The following ZIC4 variants were observed in gnomAD, a reference collection of about 807,000 sequenced individuals.
The protein encoded by ZIC4 is Zic family zinc finger 4.
In ZIC4, 15 loss-of-function variants were observed where a neutral mutation model predicts 28.8. The observed-to-expected ratio is 0.52, with a 90% CI of 0.35 to 0.80. The LOEUF (loss-of-function observed/expected upper bound fraction) is 0.80. Ranked by LOEUF, ZIC4 falls within the 30% of genes least tolerant of loss-of-function variation. The probability of loss-of-function intolerance (pLI) is 0.01; values close to 1 mark genes in which losing one functional copy is unlikely to be tolerated. For missense variants in ZIC4, 512 were observed against 467.1 expected (o/e 1.10, Z -0.89); for synonymous variants, 220 against 198.1 (o/e 1.11, Z -0.93).
intron 2 of ZIC4, among the ~76,000 whole-genome samples, chr3:147,402,420 G>A (rs2087184413): frequency 6.6e-6 from 1 of 152,208 alleles, no homozygotes; most frequent in African/African-American, 2.4e-5. Flanking sequence ...CGTGACAGTG[G>A]AATTGCAGAA....
chr3:147,405,174 C>A (rs925129366), intron 1 of ZIC4, among the ~76,000 whole-genome samples: 3 of 152,168 alleles, frequency 2.0e-5, no homozygotes, highest in Non-Finnish European at 4.4e-5. Context: ...TTTCCCAGCT[C>A]GGGGCTGAAG....
intron 3 of ZIC4, among the ~76,000 whole-genome samples, chr3:147,394,612 C>G (rs2086999473): frequency 6.6e-6 from 1 of 152,132 alleles, no homozygotes; most frequent in Non-Finnish European, 1.5e-5. Context: ...ACCGCCCCTT[C>G]CCGAAGCTAA....
chr3:147,392,030 C>G, intron 3 of ZIC4: 1 of 985,572 alleles, frequency 1.0e-6, no homozygotes, highest in Non-Finnish European at 1.2e-6. Flanking sequence ...TTACGCTGCT[C>G]CAGAGGCTTC....
At chr3:147,404,303 T>C in intron 1 of ZIC4, 1 of 1,408,326 alleles carries the variant, frequency 7.1e-7, no homozygotes, top group Non-Finnish European at 9.2e-7. Context: ...CCTGTCAGCC[T>C]TTTGTGCACT....
intron 2 of ZIC4, among the ~76,000 whole-genome samples, chr3:147,400,390 C>T (rs560919052): frequency 2.6e-5 from 4 of 152,316 alleles, no homozygotes; most frequent in Admixed American, 2.0e-4. Flanking sequence ...TCTGATTCAG[C>T]CAAAATCCTG....
Position 147,396,316 on chromosome 3 carries a change from G to A in ZIC4, c.224C>T (p.Pro75Leu). The change falls in exon 3 of 5, where the codon CCG becomes CTG. Residue 75 changes from proline to leucine, a missense_variant. Physicochemically the swap from Pro to Leu is moderately conservative, Grantham distance 98 (BLOSUM62 -3). Around this residue, in one of 3 missense-constraint regions of ZIC4, gnomAD observed 310 missense variants for 256.5 expected, o/e 1.21. Coordinates refer to ENST00000383075, the MANE Select transcript of ZIC4 (RefSeq NM_032153.6). The surrounding 1 kb of genome is among the most constrained non-coding windows in gnomAD (Gnocchi z 4.2). Reference protein sequence around the residue: ...LGLPGDMYARPEPFPPGPAAR... With the variant: ...LGLPGDMYARLEPFPPGPAAR... ...CGCAGGCCCTGGCGGGAAGGGCTCC[G>A]GCCGCGCGTACATGTCTCCAGGGAG... The A allele has an allele frequency of 6.3e-7, 1 of 1,597,436 alleles. No homozygotes were observed. Among genetic ancestry groups the A allele is most frequent in the Admixed American group, 1.7e-5 (1 of 57,382 alleles).
At position 147,396,099 on chromosome 3, in the gene ZIC4, A is replaced by G; in HGVS notation, c.441T>C (p.Thr147=). ...TGACCAGCTCGTGCATGGTGCTGAA[A>G]GTTTTGGAGCAGAGGCTCGGGGTCG... ...GTATPSLCSK[T]FSTMHELVTH... is the part of the protein sequence containing the mutation. Residue 147 remains threonine, a synonymous_variant, in exon 3 of 5, where the codon ACT becomes ACC. Coordinates refer to ENST00000383075, the MANE Select transcript of ZIC4 (RefSeq NM_032153.6). The surrounding 1 kb of genome is among the most constrained non-coding windows in gnomAD (Gnocchi z 4.2). 1 of 1,614,176 alleles carries G rather than the reference A, an allele frequency of 6.2e-7. No individual in the cohort carries two copies. The highest frequency in any genetic ancestry group is 8.5e-7 in the Non-Finnish European group (1 of 1,180,052).
chr3:147,405,693 AG>A (rs1316837172), intron 1 of ZIC4: 2 of 601,276 alleles, frequency 3.3e-6, no homozygotes, highest in African/African-American at 3.7e-5. Flanking sequence ...GGCCGCGCGC[AG>A]AGAGCAGATC....
chr3:147,399,690 G>T (rs2087124830), intron 2 of ZIC4, among the ~76,000 whole-genome samples: 1 of 146,624 alleles, frequency 6.8e-6, no homozygotes, highest in Non-Finnish European at 1.5e-5. Flanking sequence ...TTTTGAGAGG[G>T]AGTCTCCCTC....
chr3:147,389,966 C>T (rs2086878779), intron 4 of ZIC4, among the ~76,000 whole-genome samples: 1 of 152,184 alleles, frequency 6.6e-6, no homozygotes, highest in African/African-American at 2.4e-5. Context: ...CAGGCAACGC[C>T]TCTACAGGGG....
Position 147,402,717 on chromosome 3 carries a change from T to C in ZIC4, c.70+11A>G. On this transcript the variant is annotated intron_variant, in intron 2 of 4. Transcript: ENST00000383075. ...CAGCAAACCAATATTCAAAGGAGGA[T>C]TTTAACTTACTTGACTCTTTAAGAG... The C allele has an allele frequency of 1.9e-6, 3 of 1,597,762 alleles. No homozygotes were observed. The highest frequency in any genetic ancestry group is 2.6e-6 in the Non-Finnish European group (3 of 1,172,024).
chr3:147,396,361 T>A lies in ZIC4; in HGVS notation c.179A>T (p.Asn60Ile). ...AGGGAGCCCCAGACGCAGGAGTCCA[T>A]TCAAAGGACGGCTGGGGGAGGCCTG... is the stretch of plus-strand genomic sequence containing the variant. The part of the protein sequence containing the change: ...PPQASPSRPL[N>I]GLLRLGLPGD... Residue 60 changes from asparagine (N) to isoleucine (I), a missense_variant, in exon 3 of 5, where the codon AAT (asparagine) becomes ATT (isoleucine). Asn to Ile is a moderately radical substitution (Grantham distance 149, BLOSUM62 -3). This residue lies in a region of ZIC4 where 310 missense variants were observed against 256.5 expected (regional missense o/e 1.21). Transcript: ENST00000383075. This position sits in a 1 kb window ranked among gnomAD's most constrained non-coding sequence, Gnocchi z 4.2. 6.4e-7 allele frequency: 1 copy of A among 1,552,366 alleles called. No individual in the cohort carries two copies. The highest frequency in any genetic ancestry group is 8.7e-7 in the Non-Finnish European group (1 of 1,152,660).
At chr3:147,405,471 T>A in intron 1 of ZIC4, 7 of 1,537,224 alleles carry the variant, frequency 4.6e-6, no homozygotes, top group Non-Finnish European at 6.1e-6. Flanking sequence ...GGGCCATTCA[T>A]CAACCCCAAC....
At chr3:147,390,224 T>C (rs1230803442) in intron 4 of ZIC4, among the ~76,000 whole-genome samples, 1 of 151,980 alleles carries the variant, frequency 6.6e-6, no homozygotes, top group Non-Finnish European at 1.5e-5. Flanking sequence ...TTACCTCCTT[T>C]ATAGAGGAGG....
rs1486605462 is a variant in ZIC4 at position 147,388,823 on chromosome 3, C to G, written c.*36G>C. The G allele has an allele frequency of 1.3e-6, 1 of 777,760 alleles. No individual in the cohort carries two copies. The highest frequency in any genetic ancestry group is 2.4e-6 in the Non-Finnish European group (1 of 417,226). The allele number at this position is 777,760 out of a possible 1,614,324, so 48.2% of individuals were successfully genotyped here. On this transcript the variant is annotated 3_prime_UTR_variant, in exon 5 of 5. Coordinates refer to ENST00000383075, the MANE Select transcript of ZIC4 (RefSeq NM_032153.6). The stretch of plus-strand genomic sequence containing the variant: ...GCGAGATGCGGGGCGCTCAGCTGCG[C>G]GGAGCGAGATTACCTTGCGAGCAAC...
At chr3:147,394,655 A>G (rs2087000700) in intron 3 of ZIC4, among the ~76,000 whole-genome samples, 2 of 152,010 alleles carry the variant, frequency 1.3e-5, no homozygotes, top group African/African-American at 4.8e-5. Flanking sequence ...TCCATGCGAC[A>G]TTGTGGGAAA....
intron 1 of ZIC4, among the ~76,000 whole-genome samples, chr3:147,404,826 CG>C (rs1279875671): frequency 6.6e-6 from 1 of 152,196 alleles, no homozygotes; most frequent in Non-Finnish European, 1.5e-5. Flanking sequence ...ACCTAGCCGG[CG>C]CAGGACTACC....
At chr3:147,404,494 A>C (rs1213973521) in intron 1 of ZIC4, among the ~76,000 whole-genome samples, 1 of 152,182 alleles carries the variant, frequency 6.6e-6, no homozygotes, top group East Asian at 1.9e-4. Context: ...TTGCTGAAAG[A>C]GAGGTGAGAG....
At position 147,406,344 on chromosome 3, in the gene ZIC4, C is replaced by T. The variant is rs949402532; in HGVS notation, c.-16+19G>A. On this transcript the variant is annotated intron_variant, in intron 1 of 4. Transcript: ENST00000383075. Reference sequence around the variant, plus strand: ...AGGTACAGTTCTCATCTGTCTGCCCCCTGGACTCACGCACTTACCCCACTC... The same window carrying T: ...AGGTACAGTTCTCATCTGTCTGCCCTCTGGACTCACGCACTTACCCCACTC... 6.6e-6 allele frequency: 1 copy of T among 152,396 alleles called. No homozygotes were observed. Among genetic ancestry groups the T allele is most frequent in the South Asian group, 2.1e-4 (1 of 4,832 alleles). 9.4% of individuals were successfully genotyped at this position (152,396 alleles called of 1,614,324 possible). A position where few individuals can be genotyped will look rare whatever the true frequency, so the allele number is the denominator to read the frequency against.
Sources: gnomAD v4.1 joint callset for allele counts (sites outside exome capture counted in the v4.1 genomes callset) on GRCh38, gnomAD v4.1.1 for gene constraint, gnomAD v4.1.1 regional missense constraint, Gnocchi (gnomAD v3.1) non-coding constraint, MANE v1.5 for transcripts, NCBI Gene and HGNC (gene_info 2026-07-23, HGNC 2026-07-21) for gene names.